The following PPFIA2 variants were observed in gnomAD, a reference collection of about 807,000 sequenced individuals.
PPFIA2 encodes the protein PPFI scaffold protein A2.
In PPFIA2, 46 loss-of-function variants were observed where a neutral mutation model predicts 175.5. That is an observed-to-expected ratio of 0.26 (90% CI 0.21 to 0.34). The LOEUF (loss-of-function observed/expected upper bound fraction) is 0.34. Among genes scored for constraint, PPFIA2 ranks in the 10% least tolerant of loss-of-function variants. The probability of loss-of-function intolerance (pLI) is 1.00; values close to 1 mark genes in which losing one functional copy is unlikely to be tolerated. For missense variants in PPFIA2, 1,179 were observed against 1,506.1 expected (o/e 0.78, Z 3.60); for synonymous variants, 568 against 511.4 (o/e 1.11, Z -1.49).
intron 7 of PPFIA2, among the ~76,000 whole-genome samples, chr12:81,428,305 C>T (rs1256018417): frequency 9.2e-5 from 14 of 151,890 alleles, no homozygotes; most frequent in East Asian, 1.9e-4. Context: ...TGCAAACAAA[C>T]TTCAAATGTC....
chr12:81,635,154 T>C (rs149893262), intron 4 of PPFIA2, among the ~76,000 whole-genome samples: 6 of 152,312 alleles, frequency 3.9e-5, no homozygotes, highest in African/African-American at 1.4e-4. Context: ...CCTTCTAGAA[T>C]CTCTACTGCT....
At chr12:81,362,839 G>T in intron 14 of PPFIA2, 55 bp from the exon 15 acceptor site, 1 of 1,024,524 alleles carries the variant, frequency 9.8e-7, no homozygotes, top group South Asian at 1.5e-5. Flanking sequence ...AAGCAATTAT[G>T]ATAAATGAGT....
At chr12:81,465,668 A>G (rs2055476878) in intron 4 of PPFIA2, among the ~76,000 whole-genome samples, 1 of 152,180 alleles carries the variant, frequency 6.6e-6, no homozygotes, top group Admixed American at 6.6e-5. Context: ...ATAAATTTAC[A>G]TGTAAAAAAA....
At chr12:81,403,058 A>G (rs1455240644) in intron 8 of PPFIA2, among the ~76,000 whole-genome samples, 1 of 152,208 alleles carries the variant, frequency 6.6e-6, no homozygotes, top group East Asian at 1.9e-4. Context: ...ATAATAATAT[A>G]TAATTATTCT....
At chr12:81,465,124 A>G (rs1445089442) in intron 4 of PPFIA2, 1 of 152,118 alleles carries the variant, frequency 6.6e-6, no homozygotes, top group Non-Finnish European at 1.5e-5. Flanking sequence ...GAAATCTCTG[A>G]CAATGCATTC....
At chr12:81,396,111 T>C (rs963732551) in intron 8 of PPFIA2, among the ~76,000 whole-genome samples, 1 of 152,072 alleles carries the variant, frequency 6.6e-6, no homozygotes, top group Admixed American at 6.6e-5. Flanking sequence ...TTTGAAAAGT[T>C]GATATTATAA....
intron 7 of PPFIA2, among the ~76,000 whole-genome samples, chr12:81,439,628 C>G (rs1325234713): frequency 6.6e-6 from 1 of 152,080 alleles, no homozygotes; most frequent in Non-Finnish European, 1.5e-5. Flanking sequence ...TTATTTGTAG[C>G]ATTTTCTAAG....
At chr12:81,305,697 G>A (rs907957142) in intron 22 of PPFIA2, among the ~76,000 whole-genome samples, 1 of 152,076 alleles carries the variant, frequency 6.6e-6, no homozygotes, top group Non-Finnish European at 1.5e-5. Context: ...TATGTACACA[G>A]CCTTATTTCC....
At chr12:81,671,798 G>A (rs2071472064) in intron 4 of PPFIA2, among the ~76,000 whole-genome samples, 1 of 151,838 alleles carries the variant, frequency 6.6e-6, no homozygotes, top group African/African-American at 2.4e-5. Flanking sequence ...TTCCTCTGCT[G>A]AATATACCAT....
In PPFIA2 at chr12:81,365,081, G is replaced by T. The variant is rs1405103249; in HGVS notation, c.1545+2027C>A. 3.3e-5 allele frequency among the ~76,000 whole-genome samples: 5 copies of T among 151,718 alleles called. No homozygotes were observed. In the East Asian group the frequency reaches 7.7e-4, roughly 24 times the overall value. ...CAGTAGGTAATCTAAATTTGGATGT[G>T]CTCAATTTATAGATGGTGTTTAAAT... On this transcript the variant is annotated intron_variant, in intron 14 of 32. Transcript: ENST00000549396.
intron 3 of PPFIA2, among the ~76,000 whole-genome samples, chr12:81,726,104 T>C (rs2080038625): frequency 6.6e-6 from 1 of 151,060 alleles, no homozygotes; most frequent in African/African-American, 2.4e-5. Flanking sequence ...AATCACATCT[T>C]CCCACCTATT....
At chr12:81,301,060 A>G (rs1594284913) in intron 22 of PPFIA2, among the ~76,000 whole-genome samples, 3 of 152,258 alleles carry the variant, frequency 2.0e-5, no homozygotes, top group Admixed American at 2.0e-4. Flanking sequence ...GAAGTATGTC[A>G]TTTTAGAAAA....
intron 3 of PPFIA2, among the ~76,000 whole-genome samples, chr12:81,705,175 C>G (rs956061724): frequency 6.8e-6 from 1 of 147,606 alleles, no homozygotes; most frequent in African/African-American, 2.5e-5. Flanking sequence ...TACGGCCGGG[C>G]GCAGTGGCTC....
intron 4 of PPFIA2, among the ~76,000 whole-genome samples, chr12:81,462,599 T>TAC (rs1399876467): frequency 6.9e-6 from 1 of 144,088 alleles, no homozygotes; most frequent in Non-Finnish European, 1.5e-5. Flanking sequence ...TATATATATA[T>TAC]ATATATATAA....
intron 7 of PPFIA2, among the ~76,000 whole-genome samples, chr12:81,408,828 A>T (rs892852594): frequency 2.6e-5 from 4 of 152,208 alleles, no homozygotes; most frequent in Non-Finnish European, 4.4e-5. Context: ...AATGTGACAT[A>T]TTCTATATTC....
chr12:81,459,990 C>T (rs566600675), intron 4 of PPFIA2, among the ~76,000 whole-genome samples: 1 of 152,160 alleles, frequency 6.6e-6, no homozygotes, highest in African/African-American at 2.4e-5. Context: ...AAGTTTAGTG[C>T]TTTTCTACTA....
At chr12:81,731,292 T>C (rs2080871829) in intron 3 of PPFIA2, among the ~76,000 whole-genome samples, 1 of 151,508 alleles carries the variant, frequency 6.6e-6, no homozygotes, top group East Asian at 2.0e-4. Flanking sequence ...GAGATGGAAA[T>C]GTAACTTTCC....
chr12:81,605,693 AATCT>A (rs945373631), intron 4 of PPFIA2, among the ~76,000 whole-genome samples: 4 of 145,546 alleles, frequency 2.7e-5, no homozygotes, highest in South Asian at 2.1e-4. Context: ...CTATCTATCT[AATCT>A]GTCTATAATT....
At chr12:81,390,865 G>A (rs1480788429) in intron 8 of PPFIA2, among the ~76,000 whole-genome samples, 2 of 150,954 alleles carry the variant, frequency 1.3e-5, no homozygotes, top group Admixed American at 6.6e-5. Context: ...CCCAACAGAA[G>A]GTCATAAAGA....
Sources: allele counts gnomAD v4.1 joint callset (sites outside exome capture counted in the v4.1 genomes callset), GRCh38; gene constraint gnomAD v4.1.1; transcripts MANE v1.5; gene names NCBI Gene and HGNC (gene_info 2026-07-23, HGNC 2026-07-21).